Variants in CSMD1 observed in about 807,000 individuals in gnomAD.
CSMD1 encodes CUB and Sushi multiple domains 1, also known as CUB and sushi domain-containing protein 1.
A neutral mutation model predicts 417.5 loss-of-function variants in CSMD1; 213 were observed. The ratio of observed to expected loss-of-function variants is 0.51; its 90% confidence interval spans 0.46 to 0.57. The LOEUF (loss-of-function observed/expected upper bound fraction) is 0.57, where lower values mean the gene tolerates loss of function less well. Ranked by LOEUF, CSMD1 falls within the 20% of genes least tolerant of loss-of-function variation. CSMD1 has a pLI of 0.00. For synonymous variants in CSMD1, 2,862 were observed against 1,736.8 expected, an observed-to-expected ratio of 1.65 and a Z score of -16.11; for missense variants, 6,923 against 4,529.7, an observed-to-expected ratio of 1.53 and a Z score of -15.17.
At chr8:3,378,558 G>A (rs1366065350) in intron 18 of CSMD1, among the ~76,000 whole-genome samples, 2 of 152,118 alleles carry the variant, frequency 1.3e-5, no homozygotes, top group Non-Finnish European at 2.9e-5. Context: ...CCATGATCAA[G>A]TCAGCTTTAT....
intron 54 of CSMD1, among the ~76,000 whole-genome samples, chr8:2,996,254 T>C (rs972809491): frequency 1.3e-5 from 2 of 152,168 alleles, no homozygotes; most frequent in African/African-American, 4.8e-5. Context: ...ATTTTACATA[T>C]TCCATATAAA....
At chr8:3,629,988 G>A (rs13253540) in intron 7 of CSMD1, among the ~76,000 whole-genome samples, 86,439 of 152,042 alleles carry the variant, frequency 0.57, 25,327 homozygotes, top group Middle Eastern at 0.76. Context: ...AAATGTTGAC[G>A]TATATTTGAA....
chr8:3,338,661 C>A (rs1484375444), intron 23 of CSMD1, among the ~76,000 whole-genome samples: 1 of 152,116 alleles, frequency 6.6e-6, no homozygotes. Context: ...TCAGGGCTGG[C>A]CAGTGCACTT....
intron 1 of CSMD1, among the ~76,000 whole-genome samples, chr8:4,773,799 G>C (rs1339465217): frequency 6.6e-6 from 1 of 152,104 alleles, no homozygotes; most frequent in Non-Finnish European, 1.5e-5. Flanking sequence ...TACATGCCAT[G>C]TCATAAATTC....
At chr8:4,468,394 T>C (rs539470604) in intron 2 of CSMD1, among the ~76,000 whole-genome samples, 1 of 152,212 alleles carries the variant, frequency 6.6e-6, no homozygotes, top group Non-Finnish European at 1.5e-5. Flanking sequence ...ATTTTGATTT[T>C]AAACCTTTAG....
chr8:4,123,740 C>T (rs1349744833), intron 3 of CSMD1, among the ~76,000 whole-genome samples: 1 of 152,094 alleles, frequency 6.6e-6, no homozygotes, highest in Non-Finnish European at 1.5e-5. Flanking sequence ...CATTAGAATT[C>T]AATGTGTTTA....
At position 4,423,129 on chromosome 8, in the gene CSMD1, C is replaced by A. The variant is rs116133508; in HGVS notation, c.303-3064G>T. ...GAAGACTGAATGCTTCTGCCTAAGA[C>A]TGGAAACAAGTCAAGAAATTTGAAC... is the stretch of plus-strand genomic sequence containing the variant. On this transcript the variant is annotated intron_variant, in intron 2 of 69. Transcript: ENST00000635120. 3.1e-3 allele frequency among the ~76,000 whole-genome samples: 471 copies of A among 152,124 alleles called. 4 individuals are homozygous for A. Among genetic ancestry groups the A allele is most frequent in the African/African-American group, 0.011 (443 of 41,528 alleles).
At chr8:3,470,128 C>T (rs117735487) in intron 11 of CSMD1, among the ~76,000 whole-genome samples, 3,584 of 152,262 alleles carry the variant, frequency 0.024, 71 homozygotes, top group South Asian at 0.046. Flanking sequence ...CTCCCAGTCA[C>T]CATCCTCTCC....
At chr8:4,869,336 C>G (rs1276201787) in intron 1 of CSMD1, among the ~76,000 whole-genome samples, 1 of 151,916 alleles carries the variant, frequency 6.6e-6, no homozygotes, top group Non-Finnish European at 1.5e-5. Flanking sequence ...TGTAGGGAAA[C>G]TGGATCTCTT....
intron 1 of CSMD1, among the ~76,000 whole-genome samples, chr8:4,935,762 G>C (rs1025030831): frequency 1.3e-5 from 2 of 152,210 alleles, no homozygotes; most frequent in African/African-American, 2.4e-5. Context: ...AAGTTCTTCT[G>C]TGATTAGAAA....
intron 1 of CSMD1, among the ~76,000 whole-genome samples, chr8:4,787,004 G>A (rs1797434389): frequency 6.6e-6 from 1 of 152,222 alleles, no homozygotes. Context: ...GACCCCGTGT[G>A]TGTGGCAATG....
At chr8:4,844,140 A>G (rs1800999410) in intron 1 of CSMD1, among the ~76,000 whole-genome samples, 1 of 152,066 alleles carries the variant, frequency 6.6e-6, no homozygotes, top group Non-Finnish European at 1.5e-5. Context: ...TACAAATCAT[A>G]TTTTTTCAAC....
intron 5 of CSMD1, among the ~76,000 whole-genome samples, chr8:3,921,588 T>C (rs924760927): frequency 6.6e-6 from 1 of 152,138 alleles, no homozygotes; most frequent in Admixed American, 6.6e-5. Context: ...GTGCTTGGTT[T>C]CCATTTTCAT....
chr8:4,306,971 C>A (rs569722996), intron 3 of CSMD1, among the ~76,000 whole-genome samples: 1 of 152,158 alleles, frequency 6.6e-6, no homozygotes, highest in Non-Finnish European at 1.5e-5. Context: ...TCTCTCAGAT[C>A]GACTGTCTTT....
intron 33 of CSMD1, among the ~76,000 whole-genome samples, chr8:3,194,257 A>G (rs933777957): frequency 1.3e-5 from 2 of 152,148 alleles, no homozygotes; most frequent in East Asian, 1.9e-4. Context: ...AGAAGAAGAA[A>G]CCAAGGGAAA....
chr8:4,250,985 C>G (rs1174885070), intron 3 of CSMD1, among the ~76,000 whole-genome samples: 1 of 152,146 alleles, frequency 6.6e-6, no homozygotes, highest in Non-Finnish European at 1.5e-5. Context: ...TGATTAGACA[C>G]TGATATTTCC....
chr8:4,302,499 C>G (rs1212051340), intron 3 of CSMD1, among the ~76,000 whole-genome samples: 1 of 152,222 alleles, frequency 6.6e-6, no homozygotes, highest in African/African-American at 2.4e-5. Context: ...GCTACTTGAC[C>G]ACAGTAGCGT....
intron 23 of CSMD1, among the ~76,000 whole-genome samples, chr8:3,334,914 G>A (rs1007318088): frequency 1.3e-5 from 2 of 152,228 alleles, no homozygotes; most frequent in Non-Finnish European, 2.9e-5. Context: ...CATTGCATCT[G>A]TAGCACGGCT....
intron 5 of CSMD1, among the ~76,000 whole-genome samples, chr8:3,892,404 C>G (rs1480702582): frequency 1.3e-5 from 2 of 152,212 alleles, no homozygotes; most frequent in African/African-American, 4.8e-5. Context: ...CACAGATCAT[C>G]AAGGAGAACT....
Sources: gnomAD v4.1 joint callset for allele counts (sites outside exome capture counted in the v4.1 genomes callset) on GRCh38, gnomAD v4.1.1 for gene constraint, MANE v1.5 for transcripts, NCBI Gene and HGNC (gene_info 2026-07-23, HGNC 2026-07-21) for gene names.